The following VPS37A variants were observed in gnomAD, a reference collection of about 807,000 sequenced individuals.
The protein encoded by VPS37A is VPS37A subunit of ESCRT-I, also known as vacuolar protein sorting-associated protein 37A.
Under a neutral mutation model 49.8 loss-of-function variants are expected in VPS37A, and 30 were observed. The ratio of observed to expected loss-of-function variants is 0.60; its 90% CI spans 0.45 to 0.82. VPS37A has a LOEUF of 0.82. Ranked by LOEUF, VPS37A falls within the 40% of genes least tolerant of loss-of-function variation. The pLI is 0.00. For synonymous variants in VPS37A, 195 were observed against 160.6 expected, an observed-to-expected ratio of 1.21 and a Z score of -1.62; for missense variants, 593 against 464.4, an observed-to-expected ratio of 1.28 and a Z score of -2.55.
At chr8:17,258,824 A>G (rs1331002557) in intron 1 of VPS37A, among the ~76,000 whole-genome samples, 3 of 151,766 alleles carry the variant, frequency 2.0e-5, no homozygotes, top group Non-Finnish European at 4.4e-5. Context: ...CTATTTTATC[A>G]TGGTTTAATC....
chr8:17,256,096 A>G (rs968438296), intron 1 of VPS37A, among the ~76,000 whole-genome samples: 2 of 151,534 alleles, frequency 1.3e-5, no homozygotes, highest in Non-Finnish European at 2.9e-5. Context: ...TTTTTTTTCA[A>G]GGTTCTAAAG....
chr8:17,266,294 GT>G (rs1813446690), intron 2 of VPS37A, among the ~76,000 whole-genome samples: 1 of 151,958 alleles, frequency 6.6e-6, no homozygotes, highest in African/African-American at 2.4e-5. Context: ...AAACAAAGGG[GT>G]TATATATATA....
the VPS37A span, among the ~76,000 whole-genome samples, chr8:17,322,141 C>G: frequency 1.3e-5 from 2 of 152,148 alleles, no homozygotes; most frequent in South Asian, 4.2e-4. Context: ...TGCCTGTTGG[C>G]TCTGTCCTCT....
At chr8:17,306,058 T>G (rs1292241004), downstream of VPS37A, 2 of 894,016 alleles carry the variant, frequency 2.2e-6, no homozygotes, top group East Asian at 5.2e-5. Flanking sequence ...AGTTCCTAAA[T>G]AAATCTTATC....
the VPS37A span, chr8:17,309,170 G>A: frequency 4.0e-6 from 3 of 746,670 alleles, no homozygotes; most frequent in Non-Finnish European, 6.9e-6. Flanking sequence ...CTGAATAAGA[G>A]ACACAAACTC....
chr8:17,260,311 A>G (rs1288567086), intron 1 of VPS37A, among the ~76,000 whole-genome samples: 2 of 152,190 alleles, frequency 1.3e-5, no homozygotes, highest in Admixed American at 1.3e-4. Context: ...TTAGATCACA[A>G]AGAAAAGAAC....
chr8:17,303,728 G>A (rs150653375), downstream of VPS37A, among the ~76,000 whole-genome samples: 1,305 of 151,848 alleles, frequency 8.6e-3, 12 homozygotes, highest in South Asian at 0.017. Context: ...TCCTGTCTCA[G>A]CCTCCCGAGT....
intron 4 of VPS37A, chr8:17,272,167 G>T (rs1814057486): frequency 4.5e-6 from 2 of 442,764 alleles, no homozygotes. Context: ...GGCCCACCAG[G>T]CTCCTCCTAA....
At chr8:17,249,493 G>A (rs1811772826) in intron 1 of VPS37A, among the ~76,000 whole-genome samples, 1 of 152,254 alleles carries the variant, frequency 6.6e-6, no homozygotes, top group African/African-American at 2.4e-5. Flanking sequence ...AACACTTGAA[G>A]TTTTATTGAG....
chr8:17,321,713 A>G, the VPS37A span, among the ~76,000 whole-genome samples: 3 of 152,226 alleles, frequency 2.0e-5, no homozygotes, highest in Non-Finnish European at 2.9e-5. Flanking sequence ...TTTGCTGAAC[A>G]AAGTTCATTT....
intron 11 of VPS37A, among the ~76,000 whole-genome samples, chr8:17,293,892 C>G (rs1177543565): frequency 1.3e-5 from 2 of 152,216 alleles, no homozygotes; most frequent in Non-Finnish European, 2.9e-5. Flanking sequence ...CTGTCAACCC[C>G]TGCTGGGAGG....
chr8:17,274,650 T>C, intron 4 of VPS37A, 83 bp from the exon 5 acceptor site: 1 of 1,120,694 alleles, frequency 8.9e-7, no homozygotes, highest in Non-Finnish European at 1.3e-6. Flanking sequence ...TACTTGACCT[T>C]TGTTATTTAG....
At chr8:17,305,317 C>T (rs919164116), downstream of VPS37A, among the ~76,000 whole-genome samples, 4 of 152,184 alleles carry the variant, frequency 2.6e-5, no homozygotes, top group Non-Finnish European at 5.9e-5. Flanking sequence ...TTAAAGTCCA[C>T]AATTTATCTA....
intron 6 of VPS37A, among the ~76,000 whole-genome samples, chr8:17,279,460 C>A (rs1452477369): frequency 6.6e-6 from 1 of 152,078 alleles, no homozygotes; most frequent in Non-Finnish European, 1.5e-5. Context: ...TCTGAATTTA[C>A]TATAGTACTA....
At position 17,247,152 on chromosome 8, in the gene VPS37A, C is replaced by G. The variant is rs1811297183; in HGVS notation, c.-93C>G. The stretch of plus-strand genomic sequence containing the variant: ...GCGCTTGGGCCACGGACGTCCCACC[C>G]CGCTCCTCTGTCGCTGGAGAACCGC... On this transcript the variant is annotated 5_prime_UTR_variant, in exon 1 of 12. Transcript: ENST00000324849. 3 of 1,526,216 alleles carry G rather than the reference C, an allele frequency of 2.0e-6. No homozygotes were observed. The highest frequency in any genetic ancestry group is 1.4e-5 in the African/African-American group (1 of 72,468). 94.5% of individuals were successfully genotyped at this position (1,526,216 alleles called of 1,614,324 possible). A position where few individuals can be genotyped will look rare whatever the true frequency, so the allele number is the denominator to read the frequency against.
At chr8:17,268,989 C>T in intron 4 of VPS37A, 33 bp downstream of exon 4, 1 of 1,450,326 alleles carries the variant, frequency 6.9e-7, no homozygotes, top group Non-Finnish European at 9.4e-7. Context: ...AAAAAGTCTG[C>T]CTGTATTTTA....
chr8:17,312,195 G>C, the VPS37A span, among the ~76,000 whole-genome samples: 6 of 152,034 alleles, frequency 3.9e-5, no homozygotes, highest in African/African-American at 1.5e-4. Flanking sequence ...TAAATATCTT[G>C]GCAGTTAACA....
At chr8:17,252,639 A>G (rs1812083221) in intron 1 of VPS37A, among the ~76,000 whole-genome samples, 1 of 152,190 alleles carries the variant, frequency 6.6e-6, no homozygotes, top group Non-Finnish European at 1.5e-5. Context: ...ATTTGCTTCA[A>G]GCTGAAGAGT....
At chr8:17,325,585 G>C in the VPS37A span, among the ~76,000 whole-genome samples, 2 of 152,190 alleles carry the variant, frequency 1.3e-5, no homozygotes, top group Admixed American at 6.5e-5. Flanking sequence ...TGCCTGAGCT[G>C]ACGCGGGGCC....
Sources: gnomAD v4.1 joint callset for allele counts (sites outside exome capture counted in the v4.1 genomes callset) on GRCh38, gnomAD v4.1.1 for gene constraint, MANE v1.5 for transcripts, NCBI Gene and HGNC (gene_info 2026-07-23, HGNC 2026-07-21) for gene names.